Variants in NUP188 observed in about 807,000 individuals in gnomAD.
The protein encoded by NUP188 is nucleoporin NUP188.
A neutral mutation model predicts 223.0 loss-of-function variants in NUP188; 97 were observed. The ratio of observed to expected loss-of-function variants is 0.43; its 90% CI spans 0.37 to 0.51. The LOEUF (loss-of-function observed/expected upper bound fraction) is 0.51. NUP188 is among the 20% of genes least tolerant of loss of function. The pLI is 0.00. For synonymous variants in NUP188, 869 were observed against 828.0 expected, an observed-to-expected ratio of 1.05 and a Z score of -0.85; for missense variants, 1,947 against 2,175.6, an observed-to-expected ratio of 0.89 and a Z score of 2.09.
At chr9:128,972,505 TC>T (rs769379024) in intron 11 of NUP188, among the ~76,000 whole-genome samples, 3 of 152,174 alleles carry the variant, frequency 2.0e-5, no homozygotes, top group Admixed American at 6.5e-5. Context: ...GTGAAGCTAT[TC>T]CATGTGATAC....
rs1281221071 is a variant in NUP188, at chr9:129,001,644, T to A, written c.3959T>A (p.Leu1320Gln). ...LPILPTLLTT[L>Q]EVSLRMKQNL... ...ATCCTACCCACCCTCCTCACCACTC[T>A]AGAGGTGAGCCTTCGCATGAAGCAG... Residue 1320 changes from leucine to glutamine, a missense_variant, in exon 35 of 44, where the codon CTA becomes CAA. Physicochemically the swap from Leu to Gln is moderately radical, Grantham distance 113 (BLOSUM62 -2). Coordinates refer to ENST00000372577, the MANE Select transcript of NUP188 (RefSeq NM_015354.3). 6.2e-7 allele frequency: 1 copy of A among 1,613,836 alleles called. No individual in the cohort carries two copies.
intron 8 of NUP188, among the ~76,000 whole-genome samples, chr9:128,960,941 C>T (rs1379000100): frequency 1.3e-5 from 2 of 151,860 alleles, no homozygotes; most frequent in Admixed American, 1.3e-4. Context: ...AAAAATTAGG[C>T]GAGTGTGGTG....
intron 8 of NUP188, among the ~76,000 whole-genome samples, chr9:128,964,632 C>T (rs995979234): frequency 2.6e-5 from 4 of 151,446 alleles, no homozygotes; most frequent in African/African-American, 9.7e-5. Flanking sequence ...TGGCGCCTCC[C>T]AAAGTGCTGG....
In NUP188 at chr9:128,969,427, G is replaced by T; in HGVS notation, c.825G>T (p.Glu275Asp). 6.2e-7 allele frequency: 1 copy of T among 1,611,468 alleles called. No individual in the cohort carries two copies. The highest frequency in any genetic ancestry group is 8.5e-7 in the Non-Finnish European group (1 of 1,178,778). ...IGYFSALILVEGMDIESLHKC... is the reference protein window; with the variant it reads ...IGYFSALILVDGMDIESLHKC... ...ACTTCAGTGCCCTCATCCTGGTGGAGGGCATGGATATCGAGTCCTTGCATA... is the reference window on the plus strand; with the variant it reads ...ACTTCAGTGCCCTCATCCTGGTGGATGGCATGGATATCGAGTCCTTGCATA... Residue 275 changes from glutamate to aspartate, a missense_variant, in exon 10 of 44, where the codon GAG (glutamate) becomes GAT (aspartate). Around this residue, in one of 3 missense-constraint regions of NUP188, gnomAD observed 817 missense variants for 865.8 expected, o/e 0.94. Coordinates refer to ENST00000372577, the MANE Select transcript of NUP188 (RefSeq NM_015354.3).
intron 11 of NUP188, 117 bp downstream of exon 11, chr9:128,971,075 G>C: frequency 1.3e-6 from 1 of 778,220 alleles, no homozygotes; most frequent in East Asian, 2.5e-5. Flanking sequence ...AACCTTTTGA[G>C]AGCATTTAGA....
chr9:129,005,210 C>T lies in NUP188; in HGVS notation c.4498C>T (p.His1500Tyr), dbSNP rs751466158. 3 of 1,613,976 alleles carry T rather than the reference C, an allele frequency of 1.9e-6. No homozygotes were observed. Among genetic ancestry groups the T allele is most frequent in the Non-Finnish European group, 2.5e-6 (3 of 1,179,934 alleles). Residue 1500 changes from histidine to tyrosine, a missense_variant, in exon 39 of 44, where the codon CAT becomes TAT. Around this residue, in one of 3 missense-constraint regions of NUP188, gnomAD observed 905 missense variants for 990.6 expected, o/e 0.91. Coordinates refer to ENST00000372577, the MANE Select transcript of NUP188 (RefSeq NM_015354.3). ...CCTGCACAGTCGAAAGATGCTGCAG[C>T]ATTACTTACAGGTAAGCGTCCTATG... ...SLLHSRKMLQ[H>Y]YLQNKNGDGL...
chr9:128,981,049 T>G (rs1334646929), intron 14 of NUP188, among the ~76,000 whole-genome samples: 1 of 152,108 alleles, frequency 6.6e-6, no homozygotes, highest in Non-Finnish European at 1.5e-5. Flanking sequence ...ACCATACTGT[T>G]CAGGAGAGAT....
At chr9:128,967,016 G>C (rs950158755) in intron 8 of NUP188, among the ~76,000 whole-genome samples, 2 of 151,852 alleles carry the variant, frequency 1.3e-5, no homozygotes, top group African/African-American at 4.8e-5. Context: ...GAGGGTTTTT[G>C]TGTGTGTGTG....
At chr9:128,968,856 T>C (rs1394114606) in intron 9 of NUP188, 139 bp downstream of exon 9, 7 of 650,120 alleles carry the variant, frequency 1.1e-5, no homozygotes, top group African/African-American at 7.3e-5. Flanking sequence ...TTCCCTTTCA[T>C]GCAGGGAGTA....
At chr9:128,984,469 T>C (rs985121534) in intron 19 of NUP188, among the ~76,000 whole-genome samples, 3 of 152,178 alleles carry the variant, frequency 2.0e-5, no homozygotes, top group Non-Finnish European at 2.9e-5. Context: ...CACGTTAGTA[T>C]GTGAGCATTT....
At chr9:128,960,853 G>A (rs1367142166) in intron 8 of NUP188, among the ~76,000 whole-genome samples, 1 of 152,142 alleles carries the variant, frequency 6.6e-6, no homozygotes, top group African/African-American at 2.4e-5. Flanking sequence ...GGGAGGCCAA[G>A]GTGGGCGGAT....
At chr9:128,972,911 C>A (rs1842122487) in intron 11 of NUP188, among the ~76,000 whole-genome samples, 1 of 152,154 alleles carries the variant, frequency 6.6e-6, no homozygotes, top group Non-Finnish European at 1.5e-5. Flanking sequence ...TTTCCCCACA[C>A]AAACTTTGAT....
intron 12 of NUP188, among the ~76,000 whole-genome samples, chr9:128,977,074 A>G (rs1842186346): frequency 6.6e-6 from 1 of 151,916 alleles, no homozygotes; most frequent in Non-Finnish European, 1.5e-5. Flanking sequence ...CCCCATCTCA[A>G]CAACAACCAA....
intron 12 of NUP188, among the ~76,000 whole-genome samples, chr9:128,977,597 G>A (rs1474521993): frequency 6.6e-6 from 1 of 152,076 alleles, no homozygotes; most frequent in African/African-American, 2.4e-5. Flanking sequence ...GCCACCTGAG[G>A]TCAGGAGTTT....
intron 31 of NUP188, 132 bp downstream of exon 31, chr9:128,998,360 T>C: frequency 9.8e-7 from 1 of 1,025,256 alleles, no homozygotes; most frequent in Non-Finnish European, 1.5e-6. Flanking sequence ...CTGGGAGGCC[T>C]GAGACTGTAG....
At chr9:128,987,170 T>C (rs1432416216) in intron 22 of NUP188, among the ~76,000 whole-genome samples, 1 of 151,568 alleles carries the variant, frequency 6.6e-6, no homozygotes, top group African/African-American at 2.4e-5. Context: ...TCATTCTTTA[T>C]GATCGTTACA....
rs1187609265 is a variant in NUP188 at position 128,987,734 on chromosome 9, A to G, written c.2393+17A>G. The G allele has an allele frequency of 3.1e-6, 5 of 1,609,388 alleles. No individual in the cohort carries two copies. In the African/African-American group the frequency reaches 5.4e-5, roughly 17 times the overall value. The stretch of plus-strand genomic sequence containing the variant: ...GCCTCGAAGGTAGGGCTCCTTCTCC[A>G]CGTTCCCTTTGTCTGTCTTTATTGT... On this transcript the variant is annotated intron_variant, in intron 23 of 43. Transcript: ENST00000372577.
In NUP188 at chr9:128,971,058, T is replaced by G. The variant is rs537356227; in HGVS notation, c.1113+100T>G. 1.8e-4 allele frequency: 165 copies of G among 896,786 alleles called. No homozygotes were observed. The African/African-American group carries it at 2.6e-3, about 14-fold the overall frequency. 55.6% of individuals were successfully genotyped at this position (896,786 alleles called of 1,614,324 possible). A position where few individuals can be genotyped will look rare whatever the true frequency, so the allele number is the denominator to read the frequency against. On this transcript the variant is annotated intron_variant, in intron 11 of 43. Transcript: ENST00000372577. ...GGTGGTGTGGATAATGGGATCATGT[T>G]GTAACTAACCTTTTGAGAGCATTTA... is the stretch of plus-strand genomic sequence containing the variant.
intron 12 of NUP188, among the ~76,000 whole-genome samples, 172 bp from the exon 13 acceptor site, chr9:128,979,087 CAAG>C (rs1388986485): frequency 6.6e-6 from 1 of 152,086 alleles, no homozygotes; most frequent in African/African-American, 2.4e-5. Context: ...TATTTGTTTT[CAAG>C]AAGAGGATTT....
Sources: gnomAD v4.1 joint callset for allele counts (sites outside exome capture counted in the v4.1 genomes callset) on GRCh38, gnomAD v4.1.1 for gene constraint, gnomAD v4.1.1 regional missense constraint, MANE v1.5 for transcripts, NCBI Gene and HGNC (gene_info 2026-07-23, HGNC 2026-07-21) for gene names.